Variants in ROBO2 observed in about 807,000 individuals in gnomAD.
The protein encoded by ROBO2 is roundabout guidance receptor 2.
Under a neutral mutation model 160.8 loss-of-function variants are expected in ROBO2, and 53 were observed. The ratio of observed to expected loss-of-function variants is 0.33; its 90% CI spans 0.26 to 0.41. ROBO2 has a LOEUF of 0.41. Among genes scored for constraint, ROBO2 ranks in the 10% least tolerant of loss-of-function variants. The pLI is 1.00. For synonymous variants in ROBO2, 664 were observed against 611.7 expected (o/e 1.09, Z -1.26); for missense variants, 1,577 against 1,722.4 (o/e 0.92, Z 1.49).
At chr3:77,175,687 G>A (rs2080088140) in intron 2 of ROBO2, among the ~76,000 whole-genome samples, 1 of 151,936 alleles carries the variant, frequency 6.6e-6, no homozygotes, top group Non-Finnish European at 1.5e-5. Flanking sequence ...TACAGGATTG[G>A]CCAAGCTGGG....
intron 1 of ROBO2, among the ~76,000 whole-genome samples, chr3:75,916,565 C>T (rs996612432): frequency 6.6e-6 from 1 of 152,064 alleles, no homozygotes; most frequent in African/African-American, 2.4e-5. Context: ...GATAAGTGTA[C>T]ACATATATTT....
chr3:77,029,641 C>G (rs114086841), intron 2 of ROBO2, among the ~76,000 whole-genome samples: 2 of 152,162 alleles, frequency 1.3e-5, no homozygotes, highest in African/African-American at 4.8e-5. Context: ...CACATAGAGA[C>G]TATAGTTATT....
At chr3:75,913,627 C>T (rs536577878) in intron 1 of ROBO2, among the ~76,000 whole-genome samples, 15 of 152,246 alleles carry the variant, frequency 9.9e-5, no homozygotes, top group African/African-American at 3.4e-4. Context: ...AAAGTATTTG[C>T]ACTGCTGGGG....
chr3:76,969,261 A>T (rs977608049), intron 2 of ROBO2, among the ~76,000 whole-genome samples: 7 of 152,194 alleles, frequency 4.6e-5, no homozygotes, highest in Non-Finnish European at 1.0e-4. Context: ...CTTATGAAAA[A>T]TAATGAAGCT....
chr3:77,601,400 G>C (rs1236941283), intron 19 of ROBO2, among the ~76,000 whole-genome samples: 1 of 152,156 alleles, frequency 6.6e-6, no homozygotes, highest in African/African-American at 2.4e-5. Flanking sequence ...TAAGAGCTCA[G>C]GAGAGAGGCA....
In ROBO2 at chr3:76,813,105, G is replaced by A. The variant is rs180780239; in HGVS notation, c.110-284909G>A. Among the ~76,000 whole-genome samples, 13 of 151,952 alleles carry A rather than the reference G, an allele frequency of 8.6e-5. No homozygotes were observed. The East Asian group carries it at 2.3e-3, about 27-fold the overall frequency. ...CTATCAGGAAATTCGAGTGAACATAGCACACAGACTCTTTTAAGTACAGTC... is the reference window on the plus strand; with the variant it reads ...CTATCAGGAAATTCGAGTGAACATAACACACAGACTCTTTTAAGTACAGTC... On this transcript the variant is annotated intron_variant, in intron 2 of 26. Transcript: ENST00000487694.
At chr3:76,921,194 T>C (rs1050151427) in intron 2 of ROBO2, among the ~76,000 whole-genome samples, 2 of 152,194 alleles carry the variant, frequency 1.3e-5, no homozygotes, top group African/African-American at 4.8e-5. Context: ...CTATCATCAG[T>C]GAAGTGATTT....
intron 2 of ROBO2, among the ~76,000 whole-genome samples, chr3:77,228,187 G>T (rs1354360149): frequency 6.6e-6 from 1 of 151,618 alleles, no homozygotes; most frequent in Non-Finnish European, 1.5e-5. Flanking sequence ...CTTTTTTTGA[G>T]ACAGAGGTTT....
At chr3:76,361,803 A>G (rs1032791784) in intron 2 of ROBO2, among the ~76,000 whole-genome samples, 12 of 152,224 alleles carry the variant, frequency 7.9e-5, no homozygotes, top group African/African-American at 2.9e-4. Flanking sequence ...TTATACAGGA[A>G]ATATCAAAAA....
intron 2 of ROBO2, among the ~76,000 whole-genome samples, chr3:76,914,799 G>A (rs1410029355): frequency 2.6e-5 from 4 of 152,120 alleles, no homozygotes; most frequent in Non-Finnish European, 4.4e-5. Context: ...CAAGCTGACA[G>A]GAGCACATGT....
intron 2 of ROBO2, among the ~76,000 whole-genome samples, chr3:76,579,106 A>T (rs1035047086): frequency 6.6e-6 from 1 of 151,878 alleles, no homozygotes; most frequent in South Asian, 2.1e-4. Flanking sequence ...TGCTCCCTAT[A>T]TTTTCTTTTA....
chr3:76,137,463 A>G (rs565527281), intron 2 of ROBO2, among the ~76,000 whole-genome samples: 4 of 152,024 alleles, frequency 2.6e-5, no homozygotes, highest in Non-Finnish European at 5.9e-5. Context: ...GACTATTGTA[A>G]TAATTCAGAT....
At chr3:76,751,991 A>T (rs1031546251) in intron 2 of ROBO2, among the ~76,000 whole-genome samples, 1 of 152,118 alleles carries the variant, frequency 6.6e-6, no homozygotes, top group Non-Finnish European at 1.5e-5. Flanking sequence ...ACACATGCAC[A>T]CGTATGTTTA....
intron 20 of ROBO2, among the ~76,000 whole-genome samples, chr3:77,605,221 C>T (rs1376019030): frequency 6.7e-6 from 1 of 149,788 alleles, no homozygotes; most frequent in Admixed American, 6.7e-5. Context: ...AATATACACA[C>T]AAATTAAAGA....
chr3:77,584,413 G>C (rs1365796836), intron 16 of ROBO2, among the ~76,000 whole-genome samples: 1 of 152,098 alleles, frequency 6.6e-6, no homozygotes, highest in Non-Finnish European at 1.5e-5. Context: ...AAACAAATAA[G>C]AAATCTTCTT....
intron 2 of ROBO2, among the ~76,000 whole-genome samples, chr3:76,388,607 T>A (rs1364715608): frequency 6.6e-6 from 1 of 152,208 alleles, no homozygotes; most frequent in Non-Finnish European, 1.5e-5. Flanking sequence ...CCAAATTTCA[T>A]TCATTGCTGT....
At chr3:76,484,366 T>TA (rs890326526) in intron 2 of ROBO2, among the ~76,000 whole-genome samples, 6 of 152,096 alleles carry the variant, frequency 3.9e-5, no homozygotes, top group African/African-American at 1.4e-4. Context: ...AATTTTGATT[T>TA]AAAAAATAAG....
intron 5 of ROBO2, among the ~76,000 whole-genome samples, chr3:77,501,669 C>T (rs749083699): frequency 9.3e-5 from 14 of 150,966 alleles, no homozygotes; most frequent in East Asian, 2.0e-4. Flanking sequence ...GTCAATCTCT[C>T]GAAACAATTA....
intron 2 of ROBO2, among the ~76,000 whole-genome samples, chr3:77,199,207 A>G (rs891570423): frequency 6.6e-6 from 1 of 152,296 alleles, no homozygotes; most frequent in Non-Finnish European, 1.5e-5. Flanking sequence ...TCTTTGAGGC[A>G]GTACCCACTC....
Sources: gnomAD v4.1 joint callset for allele counts (sites outside exome capture counted in the v4.1 genomes callset) on GRCh38, gnomAD v4.1.1 for gene constraint, MANE v1.5 for transcripts, NCBI Gene and HGNC (gene_info 2026-07-23, HGNC 2026-07-21) for gene names.